Variants in STYXL1 observed in about 807,000 individuals in gnomAD.
STYXL1 encodes serine/threonine/tyrosine-interacting-like protein 1.
A neutral mutation model predicts 36.4 loss-of-function variants in STYXL1; 32 were observed. The ratio of observed to expected loss-of-function variants is 0.88; its 90% CI spans 0.66 to 1.18. The LOEUF is 1.18. STYXL1 is among the 50% of genes most tolerant of loss of function. The pLI is 0.00. For missense variants in STYXL1, 354 were observed against 394.1 expected, an observed-to-expected ratio of 0.90 and a Z score of 0.86; for synonymous variants, 133 against 144.1, an observed-to-expected ratio of 0.92 and a Z score of 0.55.
At chr7:76,028,556 G>A (rs1017571872) in intron 3 of STYXL1, 86 bp downstream of exon 3, 54 of 1,261,170 alleles carry the variant, frequency 4.3e-5, no homozygotes, top group Non-Finnish European at 5.7e-5. Context: ...TCTGCTGCCC[G>A]CTGGATTGAG....
chr7:75,997,253 G>A (rs1305259010), intron 8 of STYXL1, among the ~76,000 whole-genome samples: 4 of 152,132 alleles, frequency 2.6e-5, no homozygotes, highest in Admixed American at 6.5e-5. Context: ...CCAATGTGGC[G>A]AAACCCTGTC....
At position 76,029,753 on chromosome 7, in the gene STYXL1, G is replaced by A. The variant is rs561995698; in HGVS notation, c.103+668C>T. 2.0e-5 allele frequency among the ~76,000 whole-genome samples: 3 copies of A among 152,274 alleles called. No individual in the cohort carries two copies. The South Asian group carries it at 6.2e-4, about 32-fold the overall frequency. ...CAGGCATTAGATTCTCACAAGGAGA[G>A]CGCAACTTAGATCCCTTGAATGCAC... On this transcript the variant is annotated intron_variant, in intron 2 of 8. Transcript: ENST00000359697.
chr7:76,000,218 CAAAAAA>C (rs35153306), intron 8 of STYXL1, among the ~76,000 whole-genome samples: 1 of 69,462 alleles, frequency 1.4e-5, no homozygotes, highest in Non-Finnish European at 3.2e-5. Context: ...GACTCCATCT[CAAAAAA>C]AAAAAAAAAA....
chr7:76,036,155 C>T lies in STYXL1; in HGVS notation c.-4-5628G>A, dbSNP rs981351787. On this transcript the variant is annotated intron_variant, in intron 1 of 8. Transcript: ENST00000359697. Reference sequence around the variant, plus strand: ...TTGCTCTGTCCCCCAGGCTGGAGTGCAGTGGGATGATCTCGGCTCACTGTA... The same window carrying T: ...TTGCTCTGTCCCCCAGGCTGGAGTGTAGTGGGATGATCTCGGCTCACTGTA... Among the ~76,000 whole-genome samples the T allele has an allele frequency of 3.8e-4, 57 of 150,042 alleles. 15 individuals carry two copies. Among genetic ancestry groups the T allele is most frequent in the Non-Finnish European group, 6.0e-5 (4 of 67,080 alleles).
At chr7:76,031,331 C>CAAAAAAA (rs60550486) in intron 1 of STYXL1, among the ~76,000 whole-genome samples, 2 of 42,296 alleles carry the variant, frequency 4.7e-5, no homozygotes, top group East Asian at 1.1e-3. Flanking sequence ...ACTCTGTCTC[C>CAAAAAAA]AAAAAAAAAA....
chr7:76,005,163 G>T, intron 6 of STYXL1, 96 bp downstream of exon 6: 1 of 786,986 alleles, frequency 1.3e-6, no homozygotes, highest in Non-Finnish European at 1.6e-6. Context: ...AACGTAAAGT[G>T]TAATAATAAT....
In STYXL1 at chr7:76,021,891, T is replaced by C. The variant is rs1554576345; in HGVS notation, c.267A>G (p.Lys89=). ...NNSSTLEILL[K]DDDDDSDSDG... is the part of the protein sequence containing the mutation. ...CAGAGTCTGAATCATCATCATCATCTTTTAAGAGTATCTCCAGGGTGCTGC... is the reference window on the plus strand; with the variant it reads ...CAGAGTCTGAATCATCATCATCATCCTTTAAGAGTATCTCCAGGGTGCTGC... The change falls in exon 4 of 9, where the codon AAA becomes AAG. Residue 89 remains lysine (K), a synonymous_variant. Transcript: ENST00000359697. 1 of 1,613,760 alleles carries C rather than the reference T, an allele frequency of 6.2e-7. No homozygotes were observed. Among genetic ancestry groups the C allele is most frequent in the South Asian group, 1.1e-5 (1 of 91,078 alleles).
At chr7:76,013,593 T>C (rs1273414419) in intron 5 of STYXL1, 149 bp downstream of exon 5, 1 of 1,139,746 alleles carries the variant, frequency 8.8e-7, no homozygotes, top group African/African-American at 1.6e-5. Flanking sequence ...CCCAGCTAAT[T>C]TTTGTGTTTT....
At chr7:76,030,576 G>A (rs1554579019) in intron 1 of STYXL1, 49 bp from the exon 2 acceptor site, 9 of 1,116,130 alleles carry the variant, frequency 8.1e-6, no homozygotes. Flanking sequence ...TATTTTAGAT[G>A]AATGACCACA....
chr7:76,000,304 T>C (rs917619770), intron 8 of STYXL1: 20 of 409,630 alleles, frequency 4.9e-5, no homozygotes, highest in South Asian at 3.3e-4. Flanking sequence ...CCGAAGCCAC[T>C]GGCCAACGAG....
chr7:76,036,108 C>G (rs144871628), intron 1 of STYXL1, among the ~76,000 whole-genome samples: 3 of 149,776 alleles, frequency 2.0e-5, no homozygotes, highest in African/African-American at 7.3e-5. Context: ...TATTTATTTA[C>G]TTATTTTCTT....
intron 5 of STYXL1, among the ~76,000 whole-genome samples, chr7:76,008,521 G>A (rs79180770): frequency 0.076 from 11,569 of 152,138 alleles, 531 homozygotes; most frequent in South Asian, 0.14. Flanking sequence ...CAAGCTACCA[G>A]CTTCGAAAGC....
intron 5 of STYXL1, among the ~76,000 whole-genome samples, chr7:76,007,367 A>C (rs931103991): frequency 2.0e-5 from 3 of 152,134 alleles, no homozygotes; most frequent in African/African-American, 7.2e-5. Context: ...TGGAGGTTGC[A>C]GTGAGATGAG....
intron 5 of STYXL1, 147 bp from the exon 6 acceptor site, chr7:76,005,551 T>C (rs1791563084): frequency 1.4e-6 from 1 of 725,224 alleles, no homozygotes; most frequent in African/African-American, 1.7e-5. Context: ...TGAAAGAGAT[T>C]GGCACACGGT....
chr7:75,997,563 T>G (rs1790291558), intron 8 of STYXL1, among the ~76,000 whole-genome samples: 1 of 152,174 alleles, frequency 6.6e-6, no homozygotes, highest in Non-Finnish European at 1.5e-5. Flanking sequence ...CAAGGGTGCT[T>G]GCTTTCATCA....
intron 2 of STYXL1, 86 bp downstream of exon 2, chr7:76,030,335 A>G (rs1404405584): frequency 6.1e-6 from 5 of 817,672 alleles, no homozygotes; most frequent in African/African-American, 3.5e-5. Context: ...ACTGCCCCCC[A>G]CCCCGCCAAA....
At chr7:76,030,364 A>G (rs1238870327) in intron 2 of STYXL1, 57 bp downstream of exon 2, 3 of 1,394,554 alleles carry the variant, frequency 2.2e-6, no homozygotes, top group African/African-American at 1.4e-5. Flanking sequence ...AACTCATCAA[A>G]AATAATGTTT....
At chr7:76,030,096 G>A (rs143714720) in intron 2 of STYXL1, among the ~76,000 whole-genome samples, 3 of 152,150 alleles carry the variant, frequency 2.0e-5, no homozygotes, top group Non-Finnish European at 4.4e-5. Flanking sequence ...CACCTTCCAG[G>A]TTCAAGCAAT....
chr7:76,027,398 T>G (rs960286844), intron 3 of STYXL1, among the ~76,000 whole-genome samples: 2 of 151,928 alleles, frequency 1.3e-5, no homozygotes, highest in Non-Finnish European at 2.9e-5. Context: ...TCTCTAGGGT[T>G]TATTGTCTGT....
Sources: gnomAD v4.1 joint callset for allele counts (sites outside exome capture counted in the v4.1 genomes callset) on GRCh38, gnomAD v4.1.1 for gene constraint, MANE v1.5 for transcripts, NCBI Gene and HGNC (gene_info 2026-07-23, HGNC 2026-07-21) for gene names.